Variants in ATXN1 observed in about 807,000 individuals in gnomAD.
ATXN1 encodes ataxin-1.
ATXN1 carries 8 observed loss-of-function variants against 56.4 expected under a neutral mutation model. The ratio of observed to expected loss-of-function variants is 0.14; its 90% confidence interval spans 0.08 to 0.26. The LOEUF is 0.26. ATXN1 is among the 10% of genes least tolerant of loss of function. ATXN1 has a pLI of 1.00. For synonymous variants in ATXN1, 514 were observed against 494.6 expected, an observed-to-expected ratio of 1.04 and a Z score of -0.52; for missense variants, 987 against 1,106.5, an observed-to-expected ratio of 0.89 and a Z score of 1.53.
chr6:16,672,410 C>G (rs1758557716), intron 2 of ATXN1, among the ~76,000 whole-genome samples: 1 of 152,184 alleles, frequency 6.6e-6, no homozygotes. Flanking sequence ...AAATGTGGCT[C>G]TAGTAAATGC....
At chr6:16,346,369 TATTTA>T (rs763775443) in intron 6 of ATXN1, among the ~76,000 whole-genome samples, 62 of 152,340 alleles carry the variant, frequency 4.1e-4, no homozygotes, top group South Asian at 8.3e-4. Flanking sequence ...ACGCTCAGCC[TATTTA>T]ATTTATTTTT....
At chr6:16,715,818 C>T (rs574312675) in intron 2 of ATXN1, among the ~76,000 whole-genome samples, 12 of 152,298 alleles carry the variant, frequency 7.9e-5, no homozygotes, top group African/African-American at 2.2e-4. Flanking sequence ...GTAAGTTTCC[C>T]AGTTTGGCTC....
intron 2 of ATXN1, among the ~76,000 whole-genome samples, chr6:16,686,325 TAA>T (rs1034105157): frequency 2.0e-5 from 3 of 151,944 alleles, no homozygotes; most frequent in African/African-American, 7.3e-5. Context: ...CGAAGTAGTA[TAA>T]AAAAAAGAGG....
At chr6:16,369,513 C>T (rs1299688240) in intron 6 of ATXN1, among the ~76,000 whole-genome samples, 1 of 152,172 alleles carries the variant, frequency 6.6e-6, no homozygotes, top group Non-Finnish European at 1.5e-5. Context: ...CTGAACTCTG[C>T]AATAAATTTT....
intron 4 of ATXN1, among the ~76,000 whole-genome samples, chr6:16,537,041 CTTT>C (rs368470065): frequency 7.0e-6 from 1 of 143,044 alleles, no homozygotes. Context: ...AATGTAAAAT[CTTT>C]TTTTTTTTTT....
chr6:16,661,301 T>C (rs1273404671), intron 2 of ATXN1, among the ~76,000 whole-genome samples: 2 of 152,024 alleles, frequency 1.3e-5, no homozygotes, highest in Non-Finnish European at 2.9e-5. Context: ...ATTATACATA[T>C]ATATTATTTT....
intron 6 of ATXN1, among the ~76,000 whole-genome samples, chr6:16,347,169 C>G (rs1365695752): frequency 1.3e-5 from 2 of 152,230 alleles, no homozygotes; most frequent in African/African-American, 2.4e-5. Context: ...CGACGAGCGC[C>G]GCCCCCTGCT....
At chr6:16,754,583 CT>C (rs1760830979) in intron 1 of ATXN1, 1 of 152,218 alleles carries the variant, frequency 6.6e-6, no homozygotes, top group Non-Finnish European at 1.5e-5. Context: ...AGGAAAATAA[CT>C]TCCACTTCTT....
intron 3 of ATXN1, among the ~76,000 whole-genome samples, chr6:16,653,496 T>A (rs1758117879): frequency 6.6e-6 from 1 of 152,224 alleles, no homozygotes. Context: ...GTAGCAGGTG[T>A]GGCTTTGGGA....
At chr6:16,645,840 G>A (rs549434216) in intron 3 of ATXN1, among the ~76,000 whole-genome samples, 1 of 152,258 alleles carries the variant, frequency 6.6e-6, no homozygotes, top group Non-Finnish European at 1.5e-5. Context: ...AGGAAGCTTT[G>A]AAAACAGACT....
Position 16,760,052 on chromosome 6 carries a change from C to G in ATXN1, c.-730+1246G>C, listed in dbSNP as rs553861024. 2.1e-3 allele frequency among the ~76,000 whole-genome samples: 323 copies of G among 152,026 alleles called. 2 individuals are homozygous for G. The highest frequency in any genetic ancestry group is 3.9e-3 in the Non-Finnish European group (264 of 67,934). On this transcript the variant is annotated intron_variant, in intron 1 of 7. Transcript: ENST00000436367. This position sits in a 1 kb window ranked among gnomAD's most constrained non-coding sequence, Gnocchi z 5.3. Reference sequence around the variant, plus strand: ...CACTCACGCCGCGCTCCGACACCGCCTCACCTCTCGCTCCGCCCGTCCGGC... The same window carrying G: ...CACTCACGCCGCGCTCCGACACCGCGTCACCTCTCGCTCCGCCCGTCCGGC...
chr6:16,443,801 A>C (rs1219795291), intron 6 of ATXN1, among the ~76,000 whole-genome samples: 13 of 152,200 alleles, frequency 8.5e-5, no homozygotes, highest in Admixed American at 8.5e-4. Context: ...GTATAAACTC[A>C]TGAGGTATTT....
chr6:16,576,181 T>C (rs1205512474), intron 4 of ATXN1, among the ~76,000 whole-genome samples: 2 of 152,146 alleles, frequency 1.3e-5, no homozygotes, highest in Non-Finnish European at 1.5e-5. Context: ...TCACAGGGAA[T>C]AATGAAGAGC....
intron 2 of ATXN1, among the ~76,000 whole-genome samples, chr6:16,717,598 G>C (rs978841522): frequency 6.6e-6 from 1 of 152,216 alleles, no homozygotes; most frequent in African/African-American, 2.4e-5. Flanking sequence ...AACACAGAGA[G>C]AGAATGTGCT....
intron 6 of ATXN1, among the ~76,000 whole-genome samples, chr6:16,411,291 G>C (rs1159666206): frequency 3.3e-5 from 5 of 151,960 alleles, no homozygotes; most frequent in African/African-American, 1.2e-4. Context: ...CTAATTTTAT[G>C]TCTTATTGAC....
At chr6:16,734,883 C>G (rs1431696587) in intron 2 of ATXN1, among the ~76,000 whole-genome samples, 2 of 152,136 alleles carry the variant, frequency 1.3e-5, no homozygotes, top group Non-Finnish European at 2.9e-5. Context: ...ACATAGAGGA[C>G]ATCCAGTTGA....
At chr6:16,637,924 G>A (rs915490089) in intron 3 of ATXN1, among the ~76,000 whole-genome samples, 117 of 152,294 alleles carry the variant, frequency 7.7e-4, no homozygotes, top group African/African-American at 2.4e-3. Context: ...GGAAACAGCT[G>A]GCAGAGGTAG....
intron 5 of ATXN1, among the ~76,000 whole-genome samples, chr6:16,491,096 T>C (rs1473009203): frequency 3.1e-5 from 4 of 128,702 alleles, no homozygotes; most frequent in Non-Finnish European, 6.6e-5. Flanking sequence ...CTGGATTTTT[T>C]TTTTTTTTTT....
Position 16,751,913 on chromosome 6 carries a change from C to T in ATXN1, c.-615+1320G>A, listed in dbSNP as rs565168853. Among the ~76,000 whole-genome samples, 3 of 152,304 alleles carry T rather than the reference C, an allele frequency of 2.0e-5. No homozygotes were observed. In the South Asian group the frequency reaches 6.2e-4, roughly 32 times the overall value. On this transcript the variant is annotated intron_variant, in intron 2 of 7. Coordinates refer to ENST00000436367, the MANE Select transcript of ATXN1 (RefSeq NM_001128164.2). ...ACTATTTTACTCCAGTCCATCCTCA[C>T]AGCAGCCCTATAAGAAAGTTCTAAT...
Sources: gnomAD v4.1 joint callset for allele counts (sites outside exome capture counted in the v4.1 genomes callset) on GRCh38, gnomAD v4.1.1 for gene constraint, Gnocchi (gnomAD v3.1) non-coding constraint, MANE v1.5 for transcripts, NCBI Gene and HGNC (gene_info 2026-07-23, HGNC 2026-07-21) for gene names.